The following IGFBP5 variants were observed in gnomAD, a reference collection of about 807,000 sequenced individuals.
IGFBP5 encodes insulin like growth factor binding protein 5, also known as insulin-like growth factor-binding protein 5.
A neutral mutation model predicts 28.0 loss-of-function variants in IGFBP5; 12 were observed. The ratio of observed to expected loss-of-function variants is 0.43; its 90% CI spans 0.27 to 0.69. IGFBP5 has a LOEUF of 0.69. Ranked by LOEUF, IGFBP5 falls within the 30% of genes least tolerant of loss-of-function variation. The pLI is 0.20. For missense variants in IGFBP5, 344 were observed against 381.6 expected, an observed-to-expected ratio of 0.90 and a Z score of 0.82; for synonymous variants, 152 against 150.2, an observed-to-expected ratio of 1.01 and a Z score of -0.09.
At position 216,686,666 on chromosome 2, in the gene IGFBP5, C is replaced by CTT. The variant is rs1165701093; in HGVS notation, c.338-7589_338-7588dup. Among the ~76,000 whole-genome samples the CTT allele has an allele frequency of 1.3e-3, 151 of 112,680 alleles. 1 individual carries two copies. Among genetic ancestry groups the CTT allele is most frequent in the African/African-American group, 3.6e-3 (102 of 28,396 alleles). 73.9% of individuals were successfully genotyped at this position (112,680 alleles called of 152,430 possible). On this transcript the variant is annotated intron_variant, in intron 1 of 3. Coordinates refer to ENST00000233813, the MANE Select transcript of IGFBP5 (RefSeq NM_000599.4). ...TTGGTACAGATTTACTTTGACCTTT[C>CTT]TTTTTTTTTTTTTTTTTTTGAGACG...
At position 216,673,993 on chromosome 2, in the gene IGFBP5, A is replaced by G. The variant is rs1379052914; in HGVS notation, c.*2758T>C. ...TCTGGCGCACTTACACCAGGCTCTAATCCCCCACCTGATGGCTGGCAGCAA... is the reference window on the plus strand; with the variant it reads ...TCTGGCGCACTTACACCAGGCTCTAGTCCCCCACCTGATGGCTGGCAGCAA... On this transcript the variant is annotated 3_prime_UTR_variant, in exon 4 of 4. Transcript: ENST00000233813. The surrounding 1 kb of genome is among the most constrained non-coding windows in gnomAD (Gnocchi z 4.3). 2 of 152,650 alleles carry G rather than the reference A, an allele frequency of 1.3e-5. No homozygotes were observed. Among genetic ancestry groups the G allele is most frequent in the Non-Finnish European group, 2.9e-5 (2 of 68,064 alleles). 9.5% of individuals were successfully genotyped at this position (152,650 alleles called of 1,614,324 possible). A position where few individuals can be genotyped will look rare whatever the true frequency, so the allele number is the denominator to read the frequency against.
Position 216,678,916 on chromosome 2 carries a change from C to T in IGFBP5, c.501G>A (p.Gly167=). 1 of 1,614,202 alleles carries T rather than the reference C, an allele frequency of 6.2e-7. No individual in the cohort carries two copies. The highest frequency in any genetic ancestry group is 8.5e-7 in the Non-Finnish European group (1 of 1,180,040). ...GGGGGTGGGCAGTGTTCTCGGCTCC[C>T]CCGACAAACTTGGACTGGGTCAGCT... ...RKKLTQSKFV[G]GAENTAHPRI... is the part of the protein sequence containing the mutation. The change falls in exon 2 of 4, where the codon GGG becomes GGA. Residue 167 remains glycine, a synonymous_variant. Coordinates refer to ENST00000233813, the MANE Select transcript of IGFBP5 (RefSeq NM_000599.4).
chr2:216,686,478 C>G (rs1275330856), intron 1 of IGFBP5, among the ~76,000 whole-genome samples: 1 of 151,872 alleles, frequency 6.6e-6, no homozygotes, highest in African/African-American at 2.4e-5. Flanking sequence ...ATTAGCCGGG[C>G]GTGGCAGTGT....
rs1482308084 is a variant in IGFBP5, at chr2:216,679,086, GAGA to G, written c.338-10_338-8del. Reference sequence around the variant, plus strand: ...TGCTCACGGGAGTCTCTCTCTGCAGGAGAAGGAGCCGGAGGGTCAGCCCCCGTG... The same window carrying G: ...TGCTCACGGGAGTCTCTCTCTGCAGGAGGAGCCGGAGGGTCAGCCCCCGTG... On this transcript the variant is annotated splice_polypyrimidine_tract_variant and splice_region_variant and intron_variant, in intron 1 of 3. Coordinates refer to ENST00000233813, the MANE Select transcript of IGFBP5 (RefSeq NM_000599.4). The surrounding 1 kb of genome is among the most constrained non-coding windows in gnomAD (Gnocchi z 4.6). 1 of 1,613,466 alleles carries G rather than the reference GAGA, an allele frequency of 6.2e-7. No individual in the cohort carries two copies. The highest frequency in any genetic ancestry group is 8.5e-7 in the Non-Finnish European group (1 of 1,179,410).
At position 216,678,154 on chromosome 2, in the gene IGFBP5, G is replaced by A; in HGVS notation, c.645C>T (p.Tyr215=). ...ATCCTTTGCGGTCACAATTGGGCAG[G>A]TACACAGCACGGGGCACCATGCGTG... The part of the protein sequence containing the change: ...ASPRMVPRAV[Y]LPNCDRKGFY... Residue 215 remains tyrosine, a synonymous_variant, in exon 3 of 4, where the codon TAC becomes TAT. Transcript: ENST00000233813. 2 of 1,589,008 alleles carry A rather than the reference G, an allele frequency of 1.3e-6. No homozygotes were observed. Among genetic ancestry groups the A allele is most frequent in the Non-Finnish European group, 1.7e-6 (2 of 1,164,502 alleles).
At chr2:216,678,509 A>G (rs948559209) in intron 2 of IGFBP5, among the ~76,000 whole-genome samples, 31 of 152,234 alleles carry the variant, frequency 2.0e-4, no homozygotes, top group African/African-American at 6.7e-4. Flanking sequence ...CTGAGTAACA[A>G]TGTCCAGAGG....
Position 216,678,875 on chromosome 2 carries a change from G to C in IGFBP5, c.542C>G (p.Pro181Arg), listed in dbSNP as rs763044564. 1 of 1,614,034 alleles carries C rather than the reference G, an allele frequency of 6.2e-7. No individual in the cohort carries two copies. Among genetic ancestry groups the C allele is most frequent in the Non-Finnish European group, 8.5e-7 (1 of 1,179,996 alleles). The change falls in exon 2 of 4, where the codon CCT (proline) becomes CGT (arginine). Residue 181 changes from proline (P) to arginine (R), a missense_variant. Coordinates refer to ENST00000233813, the MANE Select transcript of IGFBP5 (RefSeq NM_000599.4). ...NTAHPRIISA[P>R]EMRQESEQGP... Reference sequence around the variant, plus strand: ...CTGCTCAGACTCCTGTCTCATCTCAGGTGCAGAGATGATCCGGGGGTGGGC... The same window carrying C: ...CTGCTCAGACTCCTGTCTCATCTCACGTGCAGAGATGATCCGGGGGTGGGC...
chr2:216,681,557 G>A (rs546561922), intron 1 of IGFBP5, among the ~76,000 whole-genome samples: 3 of 152,224 alleles, frequency 2.0e-5, no homozygotes, highest in African/African-American at 7.2e-5. Context: ...AGCAGTTCCT[G>A]GAATCCTTTC....
intron 1 of IGFBP5, among the ~76,000 whole-genome samples, chr2:216,691,417 G>A (rs560788139): frequency 0.014 from 1,327 of 93,562 alleles, 15 homozygotes; most frequent in Middle Eastern, 0.034. Context: ...AAAAATGCCC[G>A]AAAGCAAACC....
In IGFBP5 at chr2:216,692,835, T is replaced by C. The variant is rs958400689; in HGVS notation, c.337+1604A>G. ...TTGCAAAGCTAGAGGGGCTGGCCCC[T>C]GCGCCACTCAAACCCTGCAGGGTTT... On this transcript the variant is annotated intron_variant, in intron 1 of 3. Transcript: ENST00000233813. The surrounding 1 kb of genome is among the most constrained non-coding windows in gnomAD (Gnocchi z 4.2). 2.0e-5 allele frequency among the ~76,000 whole-genome samples: 3 copies of C among 152,080 alleles called. No homozygotes were observed. The highest frequency in any genetic ancestry group is 2.1e-4 in the South Asian group (1 of 4,816).
At chr2:216,680,572 C>T (rs1361378895) in intron 1 of IGFBP5, among the ~76,000 whole-genome samples, 1 of 152,104 alleles carries the variant, frequency 6.6e-6, no homozygotes, top group Non-Finnish European at 1.5e-5. Context: ...CAGGAAGCAC[C>T]CAAGCATCTG....
chr2:216,680,552 T>C (rs1289363369), intron 1 of IGFBP5, among the ~76,000 whole-genome samples: 1 of 152,224 alleles, frequency 6.6e-6, no homozygotes, highest in Non-Finnish European at 1.5e-5. Flanking sequence ...CTGGGCAGGA[T>C]GGCAGGTGGC....
Position 216,679,293 on chromosome 2 carries a change from T to C in IGFBP5, c.338-214A>G, listed in dbSNP as rs1688942749. On this transcript the variant is annotated intron_variant, in intron 1 of 3. Coordinates refer to ENST00000233813, the MANE Select transcript of IGFBP5 (RefSeq NM_000599.4). The surrounding 1 kb of genome is among the most constrained non-coding windows in gnomAD (Gnocchi z 4.6). ...CAGGAAGTTTCTGGCATGCTTGGAGTCAAGCAGAGAGTGCAGGCAGGGAGG... is the reference window on the plus strand; with the variant it reads ...CAGGAAGTTTCTGGCATGCTTGGAGCCAAGCAGAGAGTGCAGGCAGGGAGG... 1 of 603,010 alleles carries C rather than the reference T, an allele frequency of 1.7e-6. No homozygotes were observed. Among genetic ancestry groups the C allele is most frequent in the South Asian group, 1.8e-5 (1 of 54,738 alleles). 37.4% of individuals were successfully genotyped at this position (603,010 alleles called of 1,614,324 possible). A position where few individuals can be genotyped will look rare whatever the true frequency, so the allele number is the denominator to read the frequency against.
At chr2:216,677,039 G>A (rs1688909075) in intron 3 of IGFBP5, among the ~76,000 whole-genome samples, 157 bp from the exon 4 acceptor site, 3 of 151,998 alleles carry the variant, frequency 2.0e-5, no homozygotes, top group South Asian at 2.1e-4. Context: ...CCCATTTCAC[G>A]GAAAGACCCA....
Position 216,676,165 on chromosome 2 carries a change from G to A in IGFBP5, c.*586C>T, listed in dbSNP as rs560047522. 1.2e-4 allele frequency: 19 copies of A among 152,844 alleles called. No homozygotes were observed. Among genetic ancestry groups the A allele is most frequent in the South Asian group, 4.1e-4 (2 of 4,822 alleles). 9.5% of individuals were successfully genotyped at this position (152,844 alleles called of 1,614,324 possible). Reference sequence around the variant, plus strand: ...GGAGAGGAAGTTCAGGGGTCCAGCTGTCCATACTGCTGGCTAGAGGAGGAG... The same window carrying A: ...GGAGAGGAAGTTCAGGGGTCCAGCTATCCATACTGCTGGCTAGAGGAGGAG... On this transcript the variant is annotated 3_prime_UTR_variant, in exon 4 of 4. Coordinates refer to ENST00000233813, the MANE Select transcript of IGFBP5 (RefSeq NM_000599.4).
In IGFBP5 at chr2:216,672,298, A is replaced by G. The variant is rs116193568; in HGVS notation, c.*4453T>C. Reference sequence around the variant, plus strand: ...ACGGGAGCCGAGCTCTTCCGCATTCAGGTGTTTTTTTTTTTTTTTTCGGCT... The same window carrying G: ...ACGGGAGCCGAGCTCTTCCGCATTCGGGTGTTTTTTTTTTTTTTTTCGGCT... On this transcript the variant is annotated 3_prime_UTR_variant, in exon 4 of 4. Transcript: ENST00000233813. 6.9e-3 allele frequency: 921 copies of G among 133,946 alleles called. 18 individuals carry two copies. The highest frequency in any genetic ancestry group is 0.025 in the African/African-American group (855 of 33,914). The allele number at this position is 133,946 out of a possible 1,614,324, so 8.3% of individuals were successfully genotyped here.
rs1688897109 is a variant in IGFBP5, at chr2:216,676,333, G to A, written c.*418C>T. On this transcript the variant is annotated 3_prime_UTR_variant, in exon 4 of 4. Transcript: ENST00000233813. ...GCCCACCTCTCCCGACCCCAGGCCA[G>A]GGCTGGACGTGAAAGTTGGGCCCCT... 6.0e-6 allele frequency: 1 copy of A among 166,280 alleles called. No homozygotes were observed. The highest frequency in any genetic ancestry group is 6.3e-5 in the Admixed American group (1 of 15,880). 10.3% of individuals were successfully genotyped at this position (166,280 alleles called of 1,614,324 possible).
rs1397010724 is a variant in IGFBP5 at position 216,692,025 on chromosome 2, C to T, written c.337+2414G>A. Among the ~76,000 whole-genome samples the T allele has an allele frequency of 6.6e-6, 1 of 151,736 alleles. No homozygotes were observed. Among genetic ancestry groups the T allele is most frequent in the African/African-American group, 2.4e-5 (1 of 41,250 alleles). On this transcript the variant is annotated intron_variant, in intron 1 of 3. Transcript: ENST00000233813. This position sits in a 1 kb window ranked among gnomAD's most constrained non-coding sequence, Gnocchi z 4.2. ...AAAAGGGCACTCTCCCTCTCTCTGT[C>T]CATTTCTCTCTCCTTAAGAACGGTC...
At position 216,678,169 on chromosome 2, in the gene IGFBP5, C is replaced by T. The variant is rs1411950280; in HGVS notation, c.630G>A (p.Val210=). The change falls in exon 3 of 4, where the codon GTG becomes GTA. Residue 210 remains valine (V), a synonymous_variant. Coordinates refer to ENST00000233813, the MANE Select transcript of IGFBP5 (RefSeq NM_000599.4). ...AATTGGGCAGGTACACAGCACGGGG[C>T]ACCATGCGTGGGCTGGCTTTGAGCT... The part of the protein sequence containing the change: ...LQELKASPRM[V]PRAVYLPNCD... 6.3e-7 allele frequency: 1 copy of T among 1,595,902 alleles called. No homozygotes were observed. Among genetic ancestry groups the T allele is most frequent in the Non-Finnish European group, 8.6e-7 (1 of 1,168,910 alleles).
Sources: allele counts gnomAD v4.1 joint callset (sites outside exome capture counted in the v4.1 genomes callset), GRCh38; gene constraint gnomAD v4.1.1; non-coding constraint Gnocchi (gnomAD v3.1); transcripts MANE v1.5; gene names NCBI Gene and HGNC (gene_info 2026-07-23, HGNC 2026-07-21).